PCNX2: variants seen among roughly 807,000 people sequenced by gnomAD.
The protein encoded by PCNX2 is pecanex-like protein 2.
PCNX2 carries 168 observed loss-of-function variants against 223.8 expected under a neutral mutation model. The observed-to-expected ratio is 0.75, with a 90% CI of 0.66 to 0.85. The LOEUF (loss-of-function observed/expected upper bound fraction) is 0.85, where lower values mean the gene tolerates loss of function less well. Ranked by LOEUF, PCNX2 falls within the 40% of genes least tolerant of loss-of-function variation. The pLI is 0.00. For synonymous variants in PCNX2, 1,006 were observed against 1,052.6 expected, an observed-to-expected ratio of 0.96 and a Z score of 0.86; for missense variants, 2,507 against 2,675.5, an observed-to-expected ratio of 0.94 and a Z score of 1.39.
At chr1:233,207,701 G>C (rs1199546718) in intron 13 of PCNX2, among the ~76,000 whole-genome samples, 2 of 152,130 alleles carry the variant, frequency 1.3e-5, no homozygotes, top group African/African-American at 4.8e-5. Context: ...GGCAAAGCTG[G>C]GATTCAAACC....
At chr1:233,320,642 T>C in the PCNX2 span, among the ~76,000 whole-genome samples, 2 of 152,208 alleles carry the variant, frequency 1.3e-5, no homozygotes, top group African/African-American at 4.8e-5. Flanking sequence ...AGTTGCAGTG[T>C]GGAATGTGAA....
At chr1:233,308,749 C>G in the PCNX2 span, among the ~76,000 whole-genome samples, 4 of 151,754 alleles carry the variant, frequency 2.6e-5, no homozygotes, top group Non-Finnish European at 5.9e-5. Context: ...AACTCTAAAG[C>G]CAAAAACTAT....
intron 19 of PCNX2, among the ~76,000 whole-genome samples, chr1:233,150,915 T>C (rs943704565): frequency 1.3e-5 from 2 of 152,138 alleles, no homozygotes; most frequent in Non-Finnish European, 2.9e-5. Context: ...AAAAAGCGAA[T>C]AGAACCACTT....
intron 25 of PCNX2, among the ~76,000 whole-genome samples, chr1:233,052,852 C>T (rs1025340225): frequency 3.9e-5 from 6 of 152,086 alleles, no homozygotes; most frequent in African/African-American, 1.4e-4. Context: ...TTAGTAAACA[C>T]ACCTCTGCCC....
chr1:233,290,464 C>A (rs992973511), intron 1 of PCNX2, among the ~76,000 whole-genome samples: 1 of 152,062 alleles, frequency 6.6e-6, no homozygotes, highest in Non-Finnish European at 1.5e-5. Flanking sequence ...TAGCTGCACA[C>A]AGTAAAATTA....
chr1:233,030,604 A>G (rs1430690002), intron 25 of PCNX2, among the ~76,000 whole-genome samples: 1 of 152,178 alleles, frequency 6.6e-6, no homozygotes, highest in African/African-American at 2.4e-5. Flanking sequence ...ATCCTTTTAA[A>G]GCTTGTTTTA....
At chr1:233,083,058 A>G (rs1673432529) in intron 23 of PCNX2, among the ~76,000 whole-genome samples, 1 of 152,230 alleles carries the variant, frequency 6.6e-6, no homozygotes, top group Admixed American at 6.5e-5. Flanking sequence ...TCAGCTCAGC[A>G]AATATTTTGT....
chr1:233,306,768 T>G, the PCNX2 span, among the ~76,000 whole-genome samples: 1 of 152,222 alleles, frequency 6.6e-6, no homozygotes, highest in African/African-American at 2.4e-5. Context: ...CTTGGTGTGT[T>G]TATCAATTCT....
At chr1:233,124,350 T>C (rs1306832123) in intron 21 of PCNX2, among the ~76,000 whole-genome samples, 1 of 152,160 alleles carries the variant, frequency 6.6e-6, no homozygotes, top group Non-Finnish European at 1.5e-5. Flanking sequence ...TTACTGACAA[T>C]TCCAGAATTA....
the PCNX2 span, among the ~76,000 whole-genome samples, chr1:233,317,813 C>T: frequency 6.6e-6 from 1 of 152,156 alleles, no homozygotes; most frequent in Non-Finnish European, 1.5e-5. Context: ...TCAATGAATC[C>T]TCAAAACAAC....
intron 21 of PCNX2, among the ~76,000 whole-genome samples, chr1:233,121,953 C>G (rs1243171344): frequency 6.6e-6 from 1 of 152,018 alleles, no homozygotes; most frequent in Admixed American, 6.6e-5. Context: ...GTACCCAGAT[C>G]AAACTGTTTT....
intron 32 of PCNX2, among the ~76,000 whole-genome samples, chr1:232,987,989 G>A (rs954290184): frequency 3.3e-5 from 5 of 152,196 alleles, no homozygotes; most frequent in African/African-American, 1.2e-4. Context: ...TCAGCCCCTC[G>A]CATGGGGCCC....
chr1:233,120,469 G>GA (rs1334073869), intron 21 of PCNX2, among the ~76,000 whole-genome samples: 2 of 152,156 alleles, frequency 1.3e-5, no homozygotes, highest in Non-Finnish European at 2.9e-5. Context: ...AGGATGCAGA[G>GA]AAAATGAATC....
chr1:233,194,434 T>C (rs1680600878), intron 15 of PCNX2, among the ~76,000 whole-genome samples: 1 of 151,474 alleles, frequency 6.6e-6, no homozygotes, highest in African/African-American at 2.4e-5. Context: ...AGCAGAAAGA[T>C]GAATCTACAC....
At chr1:233,255,008 A>G (rs74147337) in intron 5 of PCNX2, among the ~76,000 whole-genome samples, 4,285 of 152,286 alleles carry the variant, frequency 0.028, 107 homozygotes, top group African/African-American at 0.072. Flanking sequence ...ATAGGCAGAA[A>G]CTATTCATAA....
At chr1:233,174,110 TATTA>T (rs1679326152) in intron 17 of PCNX2, among the ~76,000 whole-genome samples, 1 of 146,248 alleles carries the variant, frequency 6.8e-6, no homozygotes, top group South Asian at 2.1e-4. Flanking sequence ...TTAATTTGTA[TATTA>T]TATATAATAA....
chr1:233,231,547 C>A (rs78043078), intron 9 of PCNX2: 16,866 of 780,552 alleles, frequency 0.022, 206 homozygotes, highest in South Asian at 0.042. Context: ...AAATTATTGG[C>A]CTGTTTTCTT....
intron 4 of PCNX2, among the ~76,000 whole-genome samples, chr1:233,260,142 A>G (rs2102997183): frequency 6.6e-6 from 1 of 152,332 alleles, no homozygotes; most frequent in African/African-American, 2.4e-5. Flanking sequence ...GACTAAGGAA[A>G]AAACAGAATT....
intron 1 of PCNX2, among the ~76,000 whole-genome samples, chr1:233,277,446 T>C (rs1660973556): frequency 6.6e-6 from 1 of 152,228 alleles, no homozygotes; most frequent in Non-Finnish European, 1.5e-5. Flanking sequence ...TCTTGGTCAT[T>C]GCATCACAGA....
Sources: allele counts gnomAD v4.1 joint callset (sites outside exome capture counted in the v4.1 genomes callset), GRCh38; gene constraint gnomAD v4.1.1; transcripts MANE v1.5; gene names NCBI Gene and HGNC (gene_info 2026-07-23, HGNC 2026-07-21).